TRIM28: variants seen among roughly 807,000 people sequenced by gnomAD.
TRIM28 encodes the protein tripartite motif containing 28.
Under a neutral mutation model 87.4 loss-of-function variants are expected in TRIM28, and 8 were observed. That is an observed-to-expected ratio of 0.09 (90% CI 0.05 to 0.17). The LOEUF is 0.17. Ranked by LOEUF, TRIM28 falls within the 10% of genes least tolerant of loss-of-function variation. The pLI, the probability that TRIM28 is intolerant of heterozygous loss-of-function variation, is 1.00. For synonymous variants in TRIM28, 601 were observed against 454.3 expected, an observed-to-expected ratio of 1.32 and a Z score of -4.11; for missense variants, 968 against 1,131.8, an observed-to-expected ratio of 0.86 and a Z score of 2.08.
chr19:58,548,874 A>G lies in TRIM28; in HGVS notation c.1373A>G (p.Tyr458Cys). Reference sequence around the variant, plus strand: ...TCCATTTTCTAAGGAGATGATCCCTACTCAAGTGCAGAGCCCCATGTGTCA... The same window carrying G: ...TCCATTTTCTAAGGAGATGATCCCTGCTCAAGTGCAGAGCCCCATGTGTCA... ...GYGFGSGDDPYSSAEPHVSGV... is the reference protein window; with the variant it reads ...GYGFGSGDDPCSSAEPHVSGV... Residue 458 changes from tyrosine to cysteine, a missense_variant, in exon 11 of 17, where the codon TAC becomes TGC. By Grantham distance (194) the Tyr-to-Cys change is radical. Around this residue, in one of 11 missense-constraint regions of TRIM28, gnomAD observed 119 missense variants for 93.6 expected, o/e 1.27. Transcript: ENST00000253024. The G allele has an allele frequency of 1.2e-6, 2 of 1,613,846 alleles. No homozygotes were observed. The highest frequency in any genetic ancestry group is 1.7e-6 in the Non-Finnish European group (2 of 1,179,956).
At chr19:58,550,082 C>G (rs943095242) in intron 15 of TRIM28, 47 bp downstream of exon 15, 2 of 1,613,528 alleles carry the variant, frequency 1.2e-6, no homozygotes, top group Admixed American at 1.7e-5. Flanking sequence ...GCTGCTGGGT[C>G]TCGCCCTCAA....
In TRIM28 at chr19:58,544,925, C is replaced by G. The variant is rs1389882815; in HGVS notation, c.168C>G (p.Ala56=). 1 of 1,421,040 alleles carries G rather than the reference C, an allele frequency of 7.0e-7. No homozygotes were observed. The highest frequency in any genetic ancestry group is 9.1e-7 in the Non-Finnish European group (1 of 1,097,030). 88.0% of individuals were successfully genotyped at this position (1,421,040 alleles called of 1,614,324 possible). A position where few individuals can be genotyped will look rare whatever the true frequency, so the allele number is the denominator to read the frequency against. Residue 56 remains alanine (A), a synonymous_variant, in exon 1 of 17, where the codon GCC becomes GCG. Coordinates refer to ENST00000253024, the MANE Select transcript of TRIM28 (RefSeq NM_005762.3). The part of the protein sequence containing the change: ...AAASSPAGGG[A]EALELLEHCG... ...CGTCGTCGCCCGCGGGGGGCGGCGC[C>G]GAGGCGCTGGAGCTGCTGGAGCACT...
intron 2 of TRIM28, 35 bp from the exon 3 acceptor site, chr19:58,545,729 G>C: frequency 1.3e-6 from 2 of 1,588,640 alleles, no homozygotes; most frequent in Non-Finnish European, 1.7e-6. Flanking sequence ...CTATCAAGTT[G>C]TCTTGCCTTC....
rs751581963 is a variant in TRIM28 at position 58,545,923 on chromosome 19, G to A, written c.586+27G>A. 7.0e-6 allele frequency: 11 copies of A among 1,574,904 alleles called. No homozygotes were observed. The Middle Eastern group carries it at 7.1e-4, about 102-fold the overall frequency. ...TACATGAGGCTGAGGGGGGCTGTTG[G>A]AGTTGTTCTCCCATGTGTGCCCTCA... On this transcript the variant is annotated intron_variant, in intron 3 of 16. Transcript: ENST00000253024.
At position 58,545,564 on chromosome 19, in the gene TRIM28, G is replaced by T. The variant is rs1025581310; in HGVS notation, c.453+27G>T. The T allele has an allele frequency of 3.8e-6, 6 of 1,579,750 alleles. No individual in the cohort carries two copies. The African/African-American group carries it at 5.4e-5, about 14-fold the overall frequency. ...TGCGTCCTATCTCAGCAACCACAAG[G>T]AGGTTTCTGGGGAGGGGGCATCTGC... is the stretch of plus-strand genomic sequence containing the variant. On this transcript the variant is annotated intron_variant, in intron 2 of 16. Coordinates refer to ENST00000253024, the MANE Select transcript of TRIM28 (RefSeq NM_005762.3).
intron 3 of TRIM28, among the ~76,000 whole-genome samples, chr19:58,546,847 G>A (rs1234579841): frequency 6.6e-6 from 1 of 152,058 alleles, no homozygotes; most frequent in Non-Finnish European, 1.5e-5. Context: ...CCATTCTGAG[G>A]GTCCTGGTTT....
intron 3 of TRIM28, among the ~76,000 whole-genome samples, 154 bp downstream of exon 3, chr19:58,546,050 CTG>C (rs2053758537): frequency 2.0e-5 from 3 of 152,274 alleles, no homozygotes; most frequent in East Asian, 1.9e-4. Context: ...AGCAGAAAAA[CTG>C]GGGTTGTGGT....
rs2053784812 is a variant in TRIM28, at chr19:58,548,769, T to A, written c.1353T>A (p.Phe451Leu). ...QPMEVQEGYGFGSGDDPYSSA... is the reference protein window; with the variant it reads ...QPMEVQEGYGLGSGDDPYSSA... ...TGGAGGTGCAGGAAGGCTATGGCTT[T>A]GGGTCAGGTGAGTGGGTCTGCCTAG... The change falls in exon 10 of 17, where the codon TTT (phenylalanine) becomes TTA (leucine). Residue 451 changes from phenylalanine to leucine, a missense_variant. Physicochemically the swap from Phe to Leu is conservative, Grantham distance 22. Coordinates refer to ENST00000253024, the MANE Select transcript of TRIM28 (RefSeq NM_005762.3). The A allele has an allele frequency of 6.2e-7, 1 of 1,614,086 alleles. No homozygotes were observed. The highest frequency in any genetic ancestry group is 1.3e-5 in the African/African-American group (1 of 75,032).
Position 58,544,806 on chromosome 19 carries a change from T to C in TRIM28, c.49T>C (p.Ser17Pro), listed in dbSNP as rs2053745020. Residue 17 changes from serine (S) to proline (P), a missense_variant, in exon 1 of 17, where the codon TCT (serine) becomes CCT (proline). Around this residue, in one of 11 missense-constraint regions of TRIM28, gnomAD observed 208 missense variants for 170.9 expected, o/e 1.22. Coordinates refer to ENST00000253024, the MANE Select transcript of TRIM28 (RefSeq NM_005762.3). ...AASAAAASAA[S>P]GSPGPGEGSA... The stretch of plus-strand genomic sequence containing the variant: ...CTCGGCAGCAGCGGCCTCGGCCGCC[T>C]CTGGCAGCCCGGGCCCGGGCGAGGG... 1 of 1,218,116 alleles carries C rather than the reference T, an allele frequency of 8.2e-7. No individual in the cohort carries two copies. The highest frequency in any genetic ancestry group is 1.0e-6 in the Non-Finnish European group (1 of 979,480). The allele number at this position is 1,218,116 out of a possible 1,614,324, so 75.5% of individuals were successfully genotyped here. A position where few individuals can be genotyped will look rare whatever the true frequency, so the allele number is the denominator to read the frequency against.
rs1425727075 is a variant in TRIM28, at chr19:58,544,439, G to GC, written c.-313dup. ...CGTCGGCGCCAGTTATTTCTGTCCCGCCCCCCGGCCTCGGCTCTTTCTGCG... is the reference window on the plus strand; with the variant it reads ...CGTCGGCGCCAGTTATTTCTGTCCCGCCCCCCCGGCCTCGGCTCTTTCTGCG... On this transcript the variant is annotated 5_prime_UTR_variant, in exon 1 of 17. The change abolishes the stop of an existing upstream ORF in the 5' untranslated region. Transcript: ENST00000253024. 14 of 152,336 alleles carry GC rather than the reference G, an allele frequency of 9.2e-5. No homozygotes were observed. The highest frequency in any genetic ancestry group is 4.1e-4 in the South Asian group (2 of 4,880). 9.4% of individuals were successfully genotyped at this position (152,336 alleles called of 1,614,324 possible). A position where few individuals can be genotyped will look rare whatever the true frequency, so the allele number is the denominator to read the frequency against.
chr19:58,547,989 A>G, intron 6 of TRIM28, 45 bp from the exon 7 acceptor site: 4 of 1,613,200 alleles, frequency 2.5e-6, no homozygotes, highest in Non-Finnish European at 2.5e-6. Context: ...TGATCCTAGT[A>G]TTCTTCTGCC....
chr19:58,549,566 A>G lies in TRIM28; in HGVS notation c.1898A>G (p.Lys633Arg), dbSNP rs769437932. 3 of 1,613,968 alleles carry G rather than the reference A, an allele frequency of 1.9e-6. No individual in the cohort carries two copies. Among genetic ancestry groups the G allele is most frequent in the Non-Finnish European group, 2.5e-6 (3 of 1,180,004 alleles). ...DSATICRVCQ[K>R]PGDLVMCNQC... ...GCCACCATTTGCCGTGTCTGCCAGA[A>G]GCCAGGCGATCTGGTTATGTGCAAC... The change falls in exon 13 of 17, where the codon AAG becomes AGG. Residue 633 changes from lysine to arginine, a missense_variant. Physicochemically the swap from Lys to Arg is conservative, Grantham distance 26. Transcript: ENST00000253024. The surrounding 1 kb of genome is among the most constrained non-coding windows in gnomAD (Gnocchi z 4.4).
rs1020922552 is a variant in TRIM28 at position 58,544,781 on chromosome 19, C to G, written c.24C>G (p.Ala8=). Residue 8 remains alanine, a synonymous_variant, in exon 1 of 17, where the codon GCC becomes GCG. Coordinates refer to ENST00000253024, the MANE Select transcript of TRIM28 (RefSeq NM_005762.3). The part of the protein sequence containing the change: MAASAAA[A]SAAAASAASG... ...GAATGGCGGCCTCCGCGGCGGCAGC[C>G]TCGGCAGCAGCGGCCTCGGCCGCCT... The G allele has an allele frequency of 1.4e-5, 16 of 1,172,104 alleles. No individual in the cohort carries two copies. In the Admixed American group the frequency reaches 1.4e-4, roughly 10 times the overall value. The allele number at this position is 1,172,104 out of a possible 1,614,324, so 72.6% of individuals were successfully genotyped here.
rs1314745722 is a variant in TRIM28, at chr19:58,547,640, C to T, written c.766C>T (p.Leu256=). Residue 256 remains leucine (L), a synonymous_variant, in exon 5 of 17, where the codon CTG becomes TTG. Coordinates refer to ENST00000253024, the MANE Select transcript of TRIM28 (RefSeq NM_005762.3). Reference sequence around the variant, plus strand: ...TGCAGTGAGGAACCAGCGCAAGCTCCTGGCCTCACTGGTGAAGCGCCTTGG... The same window carrying T: ...TGCAGTGAGGAACCAGCGCAAGCTCTTGGCCTCACTGGTGAAGCGCCTTGG... ...EDAVRNQRKL[L]ASLVKRLGDK... 2.3e-5 allele frequency: 37 copies of T among 1,614,008 alleles called. No individual in the cohort carries two copies. Among genetic ancestry groups the T allele is most frequent in the Non-Finnish European group, 3.1e-5 (36 of 1,180,050 alleles).
At chr19:58,545,362 A>T in intron 1 of TRIM28, 63 bp from the exon 2 acceptor site, 1 of 1,315,070 alleles carries the variant, frequency 7.6e-7, no homozygotes, top group South Asian at 1.2e-5. Context: ...CAGCAGGGGA[A>T]TGGTGGGGGC....
chr19:58,546,443 C>G (rs2053762005), intron 3 of TRIM28, among the ~76,000 whole-genome samples: 1 of 152,180 alleles, frequency 6.6e-6, no homozygotes, highest in African/African-American at 2.4e-5. Flanking sequence ...TCTTTTGAGT[C>G]TAGCCAAGTT....
rs1354806157 is a variant in TRIM28, at chr19:58,548,337, C to T, written c.1145C>T (p.Pro382Leu). ...CGGGCCCTCAAGATGATTGTGGATC[C>T]CGTGGAGCCACATGGCGAGATGAAG... is the stretch of plus-strand genomic sequence containing the variant. Reference protein sequence around the residue: ...LHRALKMIVDPVEPHGEMKFQ... With the variant: ...LHRALKMIVDLVEPHGEMKFQ... Residue 382 changes from proline (P) to leucine (L), a missense_variant, in exon 8 of 17, where the codon CCC becomes CTC. Physicochemically the swap from Pro to Leu is moderately conservative, Grantham distance 98. This residue lies in a region of TRIM28 where 84 missense variants were observed against 139.9 expected (regional missense o/e 0.60). Coordinates refer to ENST00000253024, the MANE Select transcript of TRIM28 (RefSeq NM_005762.3). 6.2e-7 allele frequency: 1 copy of T among 1,614,164 alleles called. No homozygotes were observed. Among genetic ancestry groups the T allele is most frequent in the Non-Finnish European group, 8.5e-7 (1 of 1,180,022 alleles).
intron 3 of TRIM28, 74 bp from the exon 4 acceptor site, chr19:58,547,302 G>A (rs1401093027): frequency 6.4e-7 from 1 of 1,571,686 alleles, no homozygotes; most frequent in East Asian, 2.3e-5. Context: ...CGGAAATGAG[G>A]CCCCAACTCA....
intron 1 of TRIM28, 52 bp from the exon 2 acceptor site, chr19:58,545,373 C>T (rs2053752070): frequency 4.1e-6 from 6 of 1,451,528 alleles, no homozygotes; most frequent in Admixed American, 1.7e-5. Flanking sequence ...TGGTGGGGGC[C>T]ATAACCTGGG....
Sources: gnomAD v4.1 joint callset for allele counts (sites outside exome capture counted in the v4.1 genomes callset) on GRCh38, gnomAD v4.1.1 for gene constraint, gnomAD v4.1.1 regional missense constraint, Gnocchi (gnomAD v3.1) non-coding constraint, MANE v1.5 for transcripts, NCBI Gene and HGNC (gene_info 2026-07-23, HGNC 2026-07-21) for gene names.